Variants in VPS13B observed in about 807,000 individuals in gnomAD.
VPS13B encodes the protein vacuolar protein sorting 13 homolog B.
A neutral mutation model predicts 426.4 loss-of-function variants in VPS13B; 285 were observed. That is an observed-to-expected ratio of 0.67 (90% CI 0.61 to 0.74). The LOEUF (loss-of-function observed/expected upper bound fraction) is 0.74, where lower values mean the gene tolerates loss of function less well. Ranked by LOEUF, VPS13B falls within the 30% of genes least tolerant of loss-of-function variation. The pLI, the probability that VPS13B is intolerant of heterozygous loss-of-function variation, is 0.00. For synonymous variants in VPS13B, 1,676 were observed against 1,676.4 expected, an observed-to-expected ratio of 1.00 and a Z score of 0.01; for missense variants, 4,537 against 4,782.6, an observed-to-expected ratio of 0.95 and a Z score of 1.51.
At chr8:99,844,964 T>G (rs572782402) in intron 54 of VPS13B, among the ~76,000 whole-genome samples, 2 of 152,318 alleles carry the variant, frequency 1.3e-5, no homozygotes, top group Admixed American at 1.3e-4. Flanking sequence ...CACTGATGCT[T>G]GGTTTTCAGA....
chr8:99,146,716 G>T (rs1035395818), intron 13 of VPS13B, among the ~76,000 whole-genome samples: 1 of 152,030 alleles, frequency 6.6e-6, no homozygotes, highest in Non-Finnish European at 1.5e-5. Context: ...AGGACCATAG[G>T]TGTGCACCAC....
rs71273182 is a variant in VPS13B, at chr8:99,365,516, C to CTTCTTTT, written c.2825-18690_2825-18689insCTTTTTT. 2.8e-3 allele frequency among the ~76,000 whole-genome samples: 283 copies of CTTCTTTT among 102,386 alleles called. 3 individuals are homozygous for CTTCTTTT. The highest frequency in any genetic ancestry group is 0.015 in the Middle Eastern group (2 of 136). 67.2% of individuals were successfully genotyped at this position (102,386 alleles called of 152,430 possible). ...TTCCAATTTTCTTCTTCTTCTTCTT[C>CTTCTTTT]TTTTTTTTTTTTTTTTTTGAGGCGG... is the stretch of plus-strand genomic sequence containing the variant. On this transcript the variant is annotated intron_variant, in intron 19 of 61. Transcript: ENST00000357162.
At position 99,642,524 on chromosome 8, in the gene VPS13B, T is replaced by C. The variant is rs1829410611; in HGVS notation, c.5908+26T>C. The C allele has an allele frequency of 1.9e-6, 3 of 1,569,534 alleles. No homozygotes were observed. In the Admixed American group the frequency reaches 5.3e-5, roughly 28 times the overall value. On this transcript the variant is annotated intron_variant, in intron 34 of 61. Coordinates refer to ENST00000357162, the MANE Select transcript of VPS13B (RefSeq NM_152564.5). ...GTAAGAACCTTCAAACTTACTGGAG[T>C]GCTAATAATTACTATCTAATAAGTT...
At chr8:99,727,875 T>C (rs544355343) in intron 39 of VPS13B, among the ~76,000 whole-genome samples, 1 of 152,340 alleles carries the variant, frequency 6.6e-6, no homozygotes, top group South Asian at 2.1e-4. Flanking sequence ...ACCAAAGAAA[T>C]GGTGCCTAAG....
rs1339060906 is a variant in VPS13B, at chr8:99,134,695, T to C, written c.1270T>C (p.Leu424=). 2 of 1,610,488 alleles carry C rather than the reference T, an allele frequency of 1.2e-6. No homozygotes were observed. The highest frequency in any genetic ancestry group is 8.5e-7 in the Non-Finnish European group (1 of 1,178,066). Residue 424 remains leucine, a synonymous_variant, in exon 9 of 62, where the codon TTG becomes CTG. Transcript: ENST00000357162. Reference sequence around the variant, plus strand: ...ACAGAAAGTAAAATCTAAAGAAGTATTGTGTTGGGAACAAGAAGGAACTAC... The same window carrying C: ...ACAGAAAGTAAAATCTAAAGAAGTACTGTGTTGGGAACAAGAAGGAACTAC... ...SPQKVKSKEV[L]CWEQEGTTVE... is the part of the protein sequence containing the mutation.
chr8:99,460,389 T>G (rs994973986), intron 23 of VPS13B, among the ~76,000 whole-genome samples: 2 of 152,180 alleles, frequency 1.3e-5, no homozygotes, highest in African/African-American at 2.4e-5. Flanking sequence ...TCCCCCTTAT[T>G]GACACATATA....
chr8:99,275,370 T>C, intron 19 of VPS13B, 116 bp downstream of exon 19: 1 of 982,326 alleles, frequency 1.0e-6, no homozygotes, highest in Non-Finnish European at 1.5e-6. Flanking sequence ...TCAATTGGCT[T>C]ACTCTGCAGT....
intron 56 of VPS13B, among the ~76,000 whole-genome samples, chr8:99,858,724 C>T (rs1011965943): frequency 1.3e-5 from 2 of 152,094 alleles, no homozygotes; most frequent in South Asian, 2.1e-4. Flanking sequence ...TTTACATAAC[C>T]GGAGCAGGGG....
chr8:99,836,711 T>G (rs1185902721), intron 54 of VPS13B, among the ~76,000 whole-genome samples: 1 of 152,220 alleles, frequency 6.6e-6, no homozygotes, highest in Non-Finnish European at 1.5e-5. Context: ...GCTACTGTAA[T>G]GGTTACAAAC....
chr8:99,186,783 G>C (rs548795993), intron 16 of VPS13B, among the ~76,000 whole-genome samples: 1 of 152,058 alleles, frequency 6.6e-6, no homozygotes, highest in Non-Finnish European at 1.5e-5. Flanking sequence ...TTTGTACAAA[G>C]TAAGCTTCTC....
intron 51 of VPS13B, among the ~76,000 whole-genome samples, chr8:99,826,553 C>A (rs1202920195): frequency 1.3e-5 from 2 of 152,110 alleles, no homozygotes; most frequent in African/African-American, 4.8e-5. Context: ...TATTTGAATA[C>A]CCTTTATTTC....
chr8:99,606,292 T>C (rs889818599), intron 33 of VPS13B, among the ~76,000 whole-genome samples: 1 of 152,124 alleles, frequency 6.6e-6, no homozygotes, highest in Non-Finnish European at 1.5e-5. Flanking sequence ...CTCTTGCTGC[T>C]ATAGAAATTA....
chr8:99,429,935 C>T (rs915497559), intron 21 of VPS13B, among the ~76,000 whole-genome samples: 3 of 152,066 alleles, frequency 2.0e-5, no homozygotes, highest in East Asian at 1.9e-4. Flanking sequence ...TAGCTCTAAC[C>T]TCATGTCCTA....
chr8:99,761,229 A>T (rs1810915937), intron 39 of VPS13B, among the ~76,000 whole-genome samples: 2 of 152,238 alleles, frequency 1.3e-5, no homozygotes, highest in South Asian at 4.1e-4. Flanking sequence ...ATGTATCTCC[A>T]TAGTAATCTA....
At chr8:99,482,392 TTACATA>T (rs1820091172) in intron 25 of VPS13B, among the ~76,000 whole-genome samples, 1 of 152,176 alleles carries the variant, frequency 6.6e-6, no homozygotes, top group Admixed American at 6.5e-5. Flanking sequence ...ATAATGTAAC[TTACATA>T]TACATATAAT....
intron 31 of VPS13B, 25 bp from the exon 32 acceptor site, chr8:99,575,633 A>G: frequency 6.2e-7 from 1 of 1,613,426 alleles, no homozygotes; most frequent in Non-Finnish European, 8.5e-7. Context: ...TGAAATGGCT[A>G]ATAATCTTTT....
chr8:99,490,738 G>T (rs558462092), intron 25 of VPS13B, among the ~76,000 whole-genome samples: 1 of 151,984 alleles, frequency 6.6e-6, no homozygotes, highest in Admixed American at 6.6e-5. Context: ...CTCTGGGATC[G>T]GTGGTGATAT....
intron 2 of VPS13B, among the ~76,000 whole-genome samples, chr8:99,023,886 TCTC>T (rs1842019300): frequency 6.6e-6 from 1 of 152,208 alleles, no homozygotes; most frequent in Non-Finnish European, 1.5e-5. Context: ...GTACAAGATA[TCTC>T]TGTCATACTA....
chr8:99,337,706 T>G (rs1396355938), intron 19 of VPS13B, among the ~76,000 whole-genome samples: 1 of 152,150 alleles, frequency 6.6e-6, no homozygotes, highest in East Asian at 1.9e-4. Context: ...TTACAAAGAA[T>G]AAAATTTTAA....
Sources: allele counts gnomAD v4.1 joint callset (sites outside exome capture counted in the v4.1 genomes callset), GRCh38; gene constraint gnomAD v4.1.1; transcripts MANE v1.5; gene names NCBI Gene and HGNC (gene_info 2026-07-23, HGNC 2026-07-21).